Variants in CSMD1 observed in about 807,000 individuals in gnomAD.
The protein encoded by CSMD1 is CUB and sushi domain-containing protein 1.
CSMD1 carries 213 observed loss-of-function variants against 417.5 expected under a neutral mutation model. The ratio of observed to expected loss-of-function variants is 0.51; its 90% CI spans 0.46 to 0.57. The LOEUF is 0.57. Ranked by LOEUF, CSMD1 falls within the 20% of genes least tolerant of loss-of-function variation. The pLI is 0.00. For missense variants in CSMD1, 6,923 were observed against 4,529.7 expected (o/e 1.53, Z -15.17); for synonymous variants, 2,862 against 1,736.8 (o/e 1.65, Z -16.11).
chr8:3,051,491 G>A (rs1215658820), intron 50 of CSMD1, among the ~76,000 whole-genome samples: 2 of 152,128 alleles, frequency 1.3e-5, no homozygotes, highest in African/African-American at 2.4e-5. Context: ...TGTCTCTTGG[G>A]TACTATGGTT....
intron 3 of CSMD1, among the ~76,000 whole-genome samples, chr8:4,217,106 A>C (rs1345085739): frequency 6.6e-6 from 1 of 152,206 alleles, no homozygotes; most frequent in Non-Finnish European, 1.5e-5. Flanking sequence ...CTGACATTTT[A>C]GTTGGTGTAG....
rs181382343 is a variant in CSMD1 at position 4,296,147 on chromosome 8, G to C, written c.415+123806C>G. Among the ~76,000 whole-genome samples the C allele has an allele frequency of 6.6e-5, 10 of 152,172 alleles. No homozygotes were observed. In the East Asian group the frequency reaches 1.7e-3, roughly 27 times the overall value. On this transcript the variant is annotated intron_variant, in intron 3 of 69. Transcript: ENST00000635120. ...ACCACAATAAGAAGCGAAAATGGAA[G>C]GTGTGGTCAAACTATGCTCAGGGTC...
intron 3 of CSMD1, among the ~76,000 whole-genome samples, chr8:4,350,194 A>G (rs1801010453): frequency 6.6e-6 from 1 of 152,090 alleles, no homozygotes; most frequent in African/African-American, 2.4e-5. Flanking sequence ...TTTTTGCTGT[A>G]CAATTGCAAG....
chr8:4,066,644 G>A (rs1294164963), intron 3 of CSMD1, among the ~76,000 whole-genome samples: 1 of 152,178 alleles, frequency 6.6e-6, no homozygotes, highest in Non-Finnish European at 1.5e-5. Context: ...AGCTCTTTGT[G>A]GATGTTTTTG....
intron 26 of CSMD1, among the ~76,000 whole-genome samples, chr8:3,283,414 C>G (rs1383098544): frequency 6.6e-6 from 1 of 152,066 alleles, no homozygotes; most frequent in Non-Finnish European, 1.5e-5. Context: ...AATTTACTGA[C>G]TAATTGAAAC....
intron 2 of CSMD1, among the ~76,000 whole-genome samples, chr8:4,472,907 A>T (rs1054648013): frequency 6.6e-6 from 1 of 151,978 alleles, no homozygotes; most frequent in Non-Finnish European, 1.5e-5. Flanking sequence ...AATTTTTGCC[A>T]TAATATTTTG....
intron 7 of CSMD1, among the ~76,000 whole-genome samples, chr8:3,654,155 C>G (rs1321968727): frequency 6.6e-6 from 1 of 152,178 alleles, no homozygotes; most frequent in Non-Finnish European, 1.5e-5. Context: ...ACCCTGTGTG[C>G]ACACACACAT....
intron 25 of CSMD1, among the ~76,000 whole-genome samples, chr8:3,304,688 TAAA>T (rs1804681469): frequency 6.6e-6 from 1 of 151,436 alleles, no homozygotes; most frequent in Non-Finnish European, 1.5e-5. Flanking sequence ...GTTCATGCAA[TAAA>T]AACTGCACGT....
intron 3 of CSMD1, among the ~76,000 whole-genome samples, chr8:4,227,894 G>C (rs1201704921): frequency 4.0e-5 from 6 of 149,858 alleles, no homozygotes; most frequent in African/African-American, 7.4e-5. Context: ...CCCACACTTG[G>C]AGACACACCC....
intron 1 of CSMD1, among the ~76,000 whole-genome samples, chr8:4,903,024 T>G (rs1250437102): frequency 7.0e-6 from 1 of 141,928 alleles, no homozygotes; most frequent in African/African-American, 2.5e-5. Flanking sequence ...AATAAATAAA[T>G]AAATAAATAA....
chr8:3,625,137 C>G (rs962587780), intron 7 of CSMD1, among the ~76,000 whole-genome samples: 1 of 150,996 alleles, frequency 6.6e-6, no homozygotes, highest in Non-Finnish European at 1.5e-5. Flanking sequence ...GCTGTTTTTT[C>G]TCTCATAGTA....
At chr8:3,947,962 T>G (rs1018237264) in intron 5 of CSMD1, among the ~76,000 whole-genome samples, 1 of 152,160 alleles carries the variant, frequency 6.6e-6, no homozygotes, top group African/African-American at 2.4e-5. Context: ...TCCCAGCACT[T>G]TGGGAGGCCA....
intron 3 of CSMD1, among the ~76,000 whole-genome samples, chr8:4,093,651 T>G (rs1399583680): frequency 6.6e-6 from 1 of 151,904 alleles, no homozygotes; most frequent in African/African-American, 2.4e-5. Flanking sequence ...GAGGAGAAAG[T>G]GAATTTTAAA....
chr8:4,766,718 A>C (rs1407492892), intron 1 of CSMD1, among the ~76,000 whole-genome samples: 4 of 152,224 alleles, frequency 2.6e-5, no homozygotes, highest in African/African-American at 9.6e-5. Context: ...CCAAGTAAAC[A>C]GAACCTCCAC....
At chr8:3,044,357 C>T (rs950552743) in intron 50 of CSMD1, among the ~76,000 whole-genome samples, 18 of 147,944 alleles carry the variant, frequency 1.2e-4, no homozygotes, top group Non-Finnish European at 2.4e-4. Context: ...GATGTGTATA[C>T]GTTGTTCTTT....
chr8:4,005,862 C>A (rs1260091119), intron 4 of CSMD1, among the ~76,000 whole-genome samples: 1 of 152,186 alleles, frequency 6.6e-6, no homozygotes, highest in Admixed American at 6.5e-5. Flanking sequence ...ATTCCCTGGT[C>A]CCCATGAACA....
chr8:3,481,477 G>A (rs149582051), intron 11 of CSMD1, among the ~76,000 whole-genome samples: 71 of 152,228 alleles, frequency 4.7e-4, no homozygotes, highest in East Asian at 3.9e-3. Context: ...GTAAATGTTC[G>A]CATTAGTTGT....
intron 6 of CSMD1, among the ~76,000 whole-genome samples, chr8:3,727,562 C>G (rs1014145643): frequency 1.3e-5 from 2 of 152,110 alleles, no homozygotes; most frequent in African/African-American, 4.8e-5. Context: ...ATGGAAGTTC[C>G]TCGAAAAAAT....
intron 1 of CSMD1, among the ~76,000 whole-genome samples, chr8:4,802,049 C>T (rs533765265): frequency 9.8e-4 from 149 of 152,186 alleles, no homozygotes; most frequent in Non-Finnish European, 1.9e-3. Flanking sequence ...CATTAATGGA[C>T]GTAGCTATAT....
Sources: gnomAD v4.1 joint callset for allele counts (sites outside exome capture counted in the v4.1 genomes callset) on GRCh38, gnomAD v4.1.1 for gene constraint, MANE v1.5 for transcripts, NCBI Gene and HGNC (gene_info 2026-07-23, HGNC 2026-07-21) for gene names.